Variants in SUMO3 observed in about 807,000 individuals in gnomAD.
SUMO3 encodes small ubiquitin like modifier 3.
SUMO3 carries 2 observed loss-of-function variants against 11.1 expected under a neutral mutation model. That is an observed-to-expected ratio of 0.18 (90% CI 0.07 to 0.57). SUMO3 has a LOEUF of 0.57. Ranked by LOEUF, SUMO3 falls within the 20% of genes least tolerant of loss-of-function variation. The pLI is 0.92. For synonymous variants in SUMO3, 56 were observed against 53.5 expected, an observed-to-expected ratio of 1.05 and a Z score of -0.20; for missense variants, 70 against 132.8, an observed-to-expected ratio of 0.53 and a Z score of 2.32.
intron 1 of SUMO3, among the ~76,000 whole-genome samples, 155 bp downstream of exon 1, chr21:44,817,793 T>G (rs928695595): frequency 3.2e-4 from 2 of 6,188 alleles, no homozygotes; most frequent in African/African-American, 7.7e-4. Flanking sequence ...GGGCGCACCT[T>G]GGGCGGGCCC....
chr21:44,814,671 G>A (rs984855387), intron 1 of SUMO3, among the ~76,000 whole-genome samples: 8 of 152,254 alleles, frequency 5.3e-5, no homozygotes, highest in Non-Finnish European at 1.0e-4. Context: ...TTCAAGTGGT[G>A]ATTTCGGGAA....
intron 1 of SUMO3, among the ~76,000 whole-genome samples, chr21:44,815,989 A>C (rs2083241874): frequency 6.6e-6 from 1 of 152,172 alleles, no homozygotes. Context: ...ACCGGGCCCC[A>C]GAGTCCACCT....
intron 2 of SUMO3, among the ~76,000 whole-genome samples, chr21:44,812,053 C>CATTT (rs755885948): frequency 2.5e-5 from 2 of 80,990 alleles, no homozygotes; most frequent in Admixed American, 2.0e-4. Flanking sequence ...AACTTCTCAC[C>CATTT]TTTTTTTTTT....
Position 44,809,061 on chromosome 21 carries a change from C to T in SUMO3, c.208G>A (p.Asp70Asn), listed in dbSNP as rs1203436216. ...CAGCTCCGTACCTGTGCTGGAGTGT[C>T]AGTTTCATTGATTGGCTGCCCGTCG... ...RFDGQPINETDTPAQLEMEDE... is the reference protein window; with the variant it reads ...RFDGQPINETNTPAQLEMEDE... The change falls in exon 3 of 4, where the codon GAC becomes AAC. Residue 70 changes from aspartate to asparagine, a missense_variant. Physicochemically the swap from Asp to Asn is conservative, Grantham distance 23. Transcript: ENST00000332859. 2 of 1,614,088 alleles carry T rather than the reference C, an allele frequency of 1.2e-6. No homozygotes were observed. The highest frequency in any genetic ancestry group is 4.5e-5 in the East Asian group (2 of 44,872).
chr21:44,813,957 G>C lies in SUMO3; in HGVS notation c.150+19C>G, dbSNP rs754612226. The C allele has an allele frequency of 6.2e-7, 1 of 1,607,830 alleles. No individual in the cohort carries two copies. The highest frequency in any genetic ancestry group is 1.1e-5 in the South Asian group (1 of 91,088). Reference sequence around the variant, plus strand: ...AGTGCGCACACGGGGAGGCTCTGCGGGGGAGCAAGGTGCCGCACCTGCCTC... The same window carrying C: ...AGTGCGCACACGGGGAGGCTCTGCGCGGGAGCAAGGTGCCGCACCTGCCTC... On this transcript the variant is annotated intron_variant, in intron 2 of 3. Coordinates refer to ENST00000332859, the MANE Select transcript of SUMO3 (RefSeq NM_006936.3).
rs746284587 is a variant in SUMO3 at position 44,806,675 on chromosome 21, G to T, written c.*276C>A. On this transcript the variant is annotated 3_prime_UTR_variant, in exon 4 of 4. Transcript: ENST00000332859. Reference sequence around the variant, plus strand: ...TTGGGGTTAAAAAAATGTTGTAGGAGGGGGGGAAAACACAAATGAGCACAC... The same window carrying T: ...TTGGGGTTAAAAAAATGTTGTAGGATGGGGGGAAAACACAAATGAGCACAC... 3 of 679,512 alleles carry T rather than the reference G, an allele frequency of 4.4e-6. No homozygotes were observed. Among genetic ancestry groups the T allele is most frequent in the Non-Finnish European group, 6.5e-6 (3 of 460,158 alleles). The allele number at this position is 679,512 out of a possible 1,614,324, so 42.1% of individuals were successfully genotyped here.
chr21:44,814,084 A>G lies in SUMO3; in HGVS notation c.42T>C (p.Asn14=). 1 of 1,613,982 alleles carries G rather than the reference A, an allele frequency of 6.2e-7. No individual in the cohort carries two copies. The highest frequency in any genetic ancestry group is 8.5e-7 in the Non-Finnish European group (1 of 1,180,022). ...EKPKEGVKTE[N]DHINLKVAGQ... ...CGGCCACCTTCAGGTTGATGTGGTCATTCTCTGTCTTCACACCCTCCTGCA... is the reference window on the plus strand; with the variant it reads ...CGGCCACCTTCAGGTTGATGTGGTCGTTCTCTGTCTTCACACCCTCCTGCA... The change falls in exon 2 of 4, where the codon AAT becomes AAC. Residue 14 remains asparagine (N), a synonymous_variant. Transcript: ENST00000332859.
Position 44,811,175 on chromosome 21 carries a change from T to C in SUMO3, c.151-2057A>G, listed in dbSNP as rs4818978. On this transcript the variant is annotated intron_variant, in intron 2 of 3. Coordinates refer to ENST00000332859, the MANE Select transcript of SUMO3 (RefSeq NM_006936.3). This position sits in a 1 kb window ranked among gnomAD's most constrained non-coding sequence, Gnocchi z 5.0. ...ACACACACAGGCACACACCCACACA[T>C]ACACACACATGCACAAAGACACGGA... 8.3e-6 allele frequency among the ~76,000 whole-genome samples: 1 copy of C among 120,648 alleles called. No homozygotes were observed. Among genetic ancestry groups the C allele is most frequent in the Non-Finnish European group, 2.1e-5 (1 of 48,270 alleles). The allele number at this position is 120,648 out of a possible 152,430, so 79.1% of individuals were successfully genotyped here. A position where few individuals can be genotyped will look rare whatever the true frequency, so the allele number is the denominator to read the frequency against.
At chr21:44,808,922 A>C in intron 3 of SUMO3, 125 bp downstream of exon 3, 1 of 764,992 alleles carries the variant, frequency 1.3e-6, no homozygotes, top group South Asian at 1.6e-5. Context: ...TAATCTAATA[A>C]TCAATATCAT....
intron 1 of SUMO3, among the ~76,000 whole-genome samples, chr21:44,816,901 G>T (rs1368209658): frequency 7.8e-6 from 1 of 128,854 alleles, no homozygotes; most frequent in Non-Finnish European, 1.7e-5. Flanking sequence ...TAGGGGGCGT[G>T]ATGGGGAGGG....
chr21:44,817,939 C>T lies in SUMO3; in HGVS notation c.21+9G>A. ...TAGACGCGCGTGCAGGCGGGGTCGC[C>T]GCGCTTACCTTGGGCTTCTCCTCGG... is the stretch of plus-strand genomic sequence containing the variant. On this transcript the variant is annotated intron_variant, in intron 1 of 3. Transcript: ENST00000332859. The T allele has an allele frequency of 1.9e-6, 2 of 1,040,802 alleles. No homozygotes were observed. Among genetic ancestry groups the T allele is most frequent in the Non-Finnish European group, 2.2e-6 (2 of 888,936 alleles). 64.5% of individuals were successfully genotyped at this position (1,040,802 alleles called of 1,614,324 possible). A position where few individuals can be genotyped will look rare whatever the true frequency, so the allele number is the denominator to read the frequency against.
At chr21:44,808,700 C>T (rs2083193130) in intron 3 of SUMO3, 1 of 1,319,214 alleles carries the variant, frequency 7.6e-7, no homozygotes, top group Non-Finnish European at 9.9e-7. Context: ...TTAAAGGGCA[C>T]AAGAATCCAG....
intron 3 of SUMO3, chr21:44,808,322 C>T: frequency 2.7e-6 from 1 of 370,252 alleles, no homozygotes; most frequent in Non-Finnish European, 4.9e-6. Flanking sequence ...ACCATCCTGG[C>T]TAACATGGTG....
chr21:44,817,327 C>G (rs1253031030), intron 1 of SUMO3, among the ~76,000 whole-genome samples: 1 of 150,776 alleles, frequency 6.6e-6, no homozygotes, highest in Non-Finnish European at 1.5e-5. Flanking sequence ...GAGGGGTGGG[C>G]GCACACTGGG....
Position 44,818,025 on chromosome 21 carries a change from T to A in SUMO3, c.-57A>T. The A allele has an allele frequency of 8.6e-7, 1 of 1,161,188 alleles. No homozygotes were observed. 71.9% of individuals were successfully genotyped at this position (1,161,188 alleles called of 1,614,324 possible). A position where few individuals can be genotyped will look rare whatever the true frequency, so the allele number is the denominator to read the frequency against. Reference sequence around the variant, plus strand: ...GGGGAAGCAGCGCGGAGCGGGCGAGTCACGCTCTCGGCCCCGCCGCTCTCC... The same window carrying A: ...GGGGAAGCAGCGCGGAGCGGGCGAGACACGCTCTCGGCCCCGCCGCTCTCC... On this transcript the variant is annotated 5_prime_UTR_variant, in exon 1 of 4. Coordinates refer to ENST00000332859, the MANE Select transcript of SUMO3 (RefSeq NM_006936.3).
rs1453675872 is a variant in SUMO3, at chr21:44,810,168, C to G, written c.151-1050G>C. On this transcript the variant is annotated intron_variant, in intron 2 of 3. Transcript: ENST00000332859. This position sits in a 1 kb window ranked among gnomAD's most constrained non-coding sequence, Gnocchi z 4.1. Reference sequence around the variant, plus strand: ...CAGTTTTGATTTAACTGAAACAGGACAGACGGGGTTAAAACGTGCATCTCT... The same window carrying G: ...CAGTTTTGATTTAACTGAAACAGGAGAGACGGGGTTAAAACGTGCATCTCT... Among the ~76,000 whole-genome samples, 1 of 152,190 alleles carries G rather than the reference C, an allele frequency of 6.6e-6. No individual in the cohort carries two copies. Among genetic ancestry groups the G allele is most frequent in the Non-Finnish European group, 1.5e-5 (1 of 68,038 alleles).
In SUMO3 at chr21:44,817,273, G is replaced by T. The variant is rs565636465; in HGVS notation, c.21+675C>A. On this transcript the variant is annotated intron_variant, in intron 1 of 3. Coordinates refer to ENST00000332859, the MANE Select transcript of SUMO3 (RefSeq NM_006936.3). Reference sequence around the variant, plus strand: ...GGGTGCACACGGGGCGCGATGGGTGGGAGTAGGTGCACACTGAGGGCACGA... The same window carrying T: ...GGGTGCACACGGGGCGCGATGGGTGTGAGTAGGTGCACACTGAGGGCACGA... Among the ~76,000 whole-genome samples the T allele has an allele frequency of 4.0e-5, 6 of 150,196 alleles. No homozygotes were observed. In the South Asian group the frequency reaches 1.3e-3, roughly 32 times the overall value.
At chr21:44,812,438 A>C (rs1322675931) in intron 2 of SUMO3, among the ~76,000 whole-genome samples, 1 of 152,076 alleles carries the variant, frequency 6.6e-6, no homozygotes, top group Admixed American at 6.6e-5. Flanking sequence ...AATAAAAAAG[A>C]AAAAAAAGTT....
In SUMO3 at chr21:44,810,114, G is replaced by A. The variant is rs2083201667; in HGVS notation, c.151-996C>T. Among the ~76,000 whole-genome samples the A allele has an allele frequency of 1.3e-5, 2 of 152,238 alleles. No individual in the cohort carries two copies. Among genetic ancestry groups the A allele is most frequent in the Admixed American group, 1.3e-4 (2 of 15,284 alleles). ...CGTCCTGAGGGAATGGAGAAATGTG[G>A]TCAGGGGCAGAAACATTTCCTCAAC... is the stretch of plus-strand genomic sequence containing the variant. On this transcript the variant is annotated intron_variant, in intron 2 of 3. Transcript: ENST00000332859. The surrounding 1 kb of genome is among the most constrained non-coding windows in gnomAD (Gnocchi z 4.1).
Sources: gnomAD v4.1 joint callset for allele counts (sites outside exome capture counted in the v4.1 genomes callset) on GRCh38, gnomAD v4.1.1 for gene constraint, Gnocchi (gnomAD v3.1) non-coding constraint, MANE v1.5 for transcripts, NCBI Gene and HGNC (gene_info 2026-07-23, HGNC 2026-07-21) for gene names.